The following ANO2 variants were observed in gnomAD, a reference collection of about 807,000 sequenced individuals.
ANO2 encodes anoctamin-2.
Under a neutral mutation model 124.2 loss-of-function variants are expected in ANO2, and 101 were observed. That is an observed-to-expected ratio of 0.81 (90% confidence interval 0.69 to 0.96). The LOEUF (loss-of-function observed/expected upper bound fraction) is 0.96. Among genes scored for constraint, ANO2 ranks in the 40% least tolerant of loss-of-function variants. ANO2 has a pLI of 0.00. For missense variants in ANO2, 1,293 were observed against 1,274.5 expected (o/e 1.01, Z -0.22); for synonymous variants, 486 against 482.5 (o/e 1.01, Z -0.09).
chr12:5,653,199 A>C lies in ANO2; in HGVS notation c.1546-5398T>G, dbSNP rs531626717. Reference sequence around the variant, plus strand: ...TTTGGGAAGCCCACAAAGGACAGGAAGCCAAACCTTGCCATCGTCACTGGC... The same window carrying C: ...TTTGGGAAGCCCACAAAGGACAGGACGCCAAACCTTGCCATCGTCACTGGC... On this transcript the variant is annotated intron_variant, in intron 14 of 24. Transcript: ENST00000682330. Among the ~76,000 whole-genome samples, 3 of 152,348 alleles carry C rather than the reference A, an allele frequency of 2.0e-5. No individual in the cohort carries two copies. In the East Asian group the frequency reaches 5.8e-4, roughly 29 times the overall value.
intron 14 of ANO2, among the ~76,000 whole-genome samples, chr12:5,731,675 T>C (rs550023046): frequency 9.4e-4 from 142 of 151,750 alleles, no homozygotes; most frequent in Middle Eastern, 3.4e-3. Context: ...CATCCCCATG[T>C]CCCCCCAACA....
chr12:5,578,522 C>A lies in ANO2; in HGVS notation c.2234-4G>T, dbSNP rs371271194. 9.9e-6 allele frequency: 16 copies of A among 1,611,564 alleles called. No individual in the cohort carries two copies. Among genetic ancestry groups the A allele is most frequent in the Non-Finnish European group, 1.2e-5 (14 of 1,178,992 alleles). On this transcript the variant is annotated splice_region_variant and splice_polypyrimidine_tract_variant and intron_variant, in intron 20 of 24. Coordinates refer to ENST00000682330, the MANE Select transcript of ANO2 (RefSeq NM_001364791.2). The stretch of plus-strand genomic sequence containing the variant: ...GTGACAAAACCAAACTGGATGACTG[C>A]GAGAGAGCACAGCATGAGGGCTTCA...
intron 7 of ANO2, among the ~76,000 whole-genome samples, chr12:5,814,337 T>C (rs545735108): frequency 4.6e-5 from 7 of 152,376 alleles, no homozygotes; most frequent in Non-Finnish European, 8.8e-5. Context: ...TTTGTTCCTA[T>C]TGGGACCCTA....
chr12:5,909,132 T>C (rs558644201), intron 3 of ANO2, among the ~76,000 whole-genome samples: 22 of 152,276 alleles, frequency 1.4e-4, no homozygotes, highest in African/African-American at 5.1e-4. Flanking sequence ...AATTCCACCA[T>C]TAAAACTAGG....
At chr12:5,805,225 C>A (rs1323176682) in intron 9 of ANO2, among the ~76,000 whole-genome samples, 1 of 152,126 alleles carries the variant, frequency 6.6e-6, no homozygotes, top group Non-Finnish European at 1.5e-5. Flanking sequence ...TAAAAAGAAG[C>A]CTGCTCAAAA....
At chr12:5,588,250 C>CG (rs1418765846) in intron 20 of ANO2, among the ~76,000 whole-genome samples, 1 of 148,486 alleles carries the variant, frequency 6.7e-6, no homozygotes, top group African/African-American at 2.6e-5. Flanking sequence ...ACACCAGAGG[C>CG]GGGGGGCAGC....
intron 3 of ANO2, among the ~76,000 whole-genome samples, chr12:5,905,496 C>T (rs1161655717): frequency 1.3e-5 from 2 of 152,022 alleles, no homozygotes; most frequent in Non-Finnish European, 2.9e-5. Flanking sequence ...TTCATGAGGC[C>T]CCAGTGGCAG....
Position 5,563,454 on chromosome 12 carries a change from C to G in ANO2, c.2842G>C (p.Glu948Gln). Residue 948 changes from glutamate to glutamine, a missense_variant, in exon 25 of 25, where the codon GAG becomes CAG. By Grantham distance (29) the Glu-to-Gln change is conservative. Coordinates refer to ENST00000682330, the MANE Select transcript of ANO2 (RefSeq NM_001364791.2). Reference protein sequence around the residue: ...KSLLVDFFLKEEHEKLKLMDE... With the variant: ...KSLLVDFFLKQEHEKLKLMDE... ...ATCAGCTTGAGCTTCTCATGCTCCT[C>G]TTTCAGGAAGAAATCCACTAATAAG... The G allele has an allele frequency of 1.2e-6, 2 of 1,613,912 alleles. No individual in the cohort carries two copies. The highest frequency in any genetic ancestry group is 1.7e-6 in the Non-Finnish European group (2 of 1,179,872).
At chr12:5,766,842 C>T (rs932541592) in intron 10 of ANO2, among the ~76,000 whole-genome samples, 1 of 152,122 alleles carries the variant, frequency 6.6e-6, no homozygotes. Context: ...GACTAAGCTG[C>T]GAGGTGAGTT....
At chr12:5,637,801 T>A (rs1418194974) in intron 15 of ANO2, among the ~76,000 whole-genome samples, 5 of 152,098 alleles carry the variant, frequency 3.3e-5, no homozygotes, top group Non-Finnish European at 5.9e-5. Context: ...TAATTTCCTA[T>A]CCCACTATAG....
At chr12:5,794,277 C>G (rs1046904338) in intron 10 of ANO2, among the ~76,000 whole-genome samples, 2 of 152,142 alleles carry the variant, frequency 1.3e-5, no homozygotes, top group African/African-American at 2.4e-5. Context: ...TGCATCCAGC[C>G]TCATTTCCTT....
chr12:5,669,608 T>C (rs557011786), intron 14 of ANO2, among the ~76,000 whole-genome samples: 1 of 152,296 alleles, frequency 6.6e-6, no homozygotes, highest in Admixed American at 6.5e-5. Context: ...ATCCTTGCCT[T>C]GTGTTGGTTT....
At chr12:5,760,259 A>C (rs959378482) in intron 10 of ANO2, among the ~76,000 whole-genome samples, 1 of 152,198 alleles carries the variant, frequency 6.6e-6, no homozygotes, top group African/African-American at 2.4e-5. Context: ...TAAGCCTCTA[A>C]AAAGCAATTT....
At chr12:5,837,562 T>C (rs1307255610) in intron 4 of ANO2, among the ~76,000 whole-genome samples, 1 of 146,674 alleles carries the variant, frequency 6.8e-6, no homozygotes, top group East Asian at 2.0e-4. Flanking sequence ...CACCTATGAG[T>C]GAGAATATGC....
At chr12:5,731,707 C>T (rs763208009) in intron 14 of ANO2, among the ~76,000 whole-genome samples, 34 of 151,944 alleles carry the variant, frequency 2.2e-4, no homozygotes, top group East Asian at 1.7e-3. Flanking sequence ...AGTTTTTTTA[C>T]GAACCACAGC....
At chr12:5,781,690 T>TAG (rs1302645781) in intron 10 of ANO2, among the ~76,000 whole-genome samples, 1 of 149,816 alleles carries the variant, frequency 6.7e-6, no homozygotes, top group Admixed American at 6.7e-5. Context: ...TGCAATGGTT[T>TAG]AGGTCAGCTT....
chr12:5,794,452 T>C (rs1449363655), intron 10 of ANO2, among the ~76,000 whole-genome samples: 1 of 152,204 alleles, frequency 6.6e-6, no homozygotes, highest in African/African-American at 2.4e-5. Context: ...TTTCAGTCAT[T>C]AGTATCAGGC....
chr12:5,711,496 C>T (rs1271521670), intron 14 of ANO2, among the ~76,000 whole-genome samples: 1 of 152,164 alleles, frequency 6.6e-6, no homozygotes, highest in Admixed American at 6.5e-5. Context: ...TTATAAATTA[C>T]CCGGTCTCAG....
chr12:5,879,763 G>A (rs1217200983), intron 3 of ANO2, among the ~76,000 whole-genome samples: 3 of 152,162 alleles, frequency 2.0e-5, no homozygotes, highest in Non-Finnish European at 4.4e-5. Context: ...TCCAGCCTAG[G>A]GTGTGCATTT....
Sources: allele counts gnomAD v4.1 joint callset (sites outside exome capture counted in the v4.1 genomes callset), GRCh38; gene constraint gnomAD v4.1.1; transcripts MANE v1.5; gene names NCBI Gene and HGNC (gene_info 2026-07-23, HGNC 2026-07-21).